Variants in TMEM91 observed in about 807,000 individuals in gnomAD.
TMEM91 encodes dispanin subfamily C member 3.
In TMEM91, 6 loss-of-function variants were observed where a neutral mutation model predicts 13.3. The observed-to-expected ratio is 0.45, with a 90% CI of 0.25 to 0.89. The LOEUF (loss-of-function observed/expected upper bound fraction) is 0.89. Among genes scored for constraint, TMEM91 ranks in the 40% least tolerant of loss-of-function variants. The pLI, the probability that TMEM91 is intolerant of heterozygous loss-of-function variation, is 0.19. For synonymous variants in TMEM91, 87 were observed against 101.7 expected (o/e 0.86, Z 0.87); for missense variants, 193 against 228.7 (o/e 0.84, Z 1.01).
At chr19:41,364,640 G>A (rs531695412) in intron 1 of TMEM91, among the ~76,000 whole-genome samples, 34 of 152,140 alleles carry the variant, frequency 2.2e-4, no homozygotes, top group African/African-American at 8.2e-4. Context: ...CAAGGACAAG[G>A]AAGGAAGGAA....
At chr19:41,368,827 A>G (rs2038569487) in intron 1 of TMEM91, among the ~76,000 whole-genome samples, 1 of 148,700 alleles carries the variant, frequency 6.7e-6, no homozygotes, top group Non-Finnish European at 1.5e-5. Context: ...AACCAATAGA[A>G]TATGGGGCTG....
At chr19:41,383,329 C>T (rs1050462089) in intron 3 of TMEM91, 68 of 445,154 alleles carry the variant, frequency 1.5e-4, no homozygotes, top group Admixed American at 1.2e-4. Flanking sequence ...GCTGGGATTA[C>T]AGGCGTGAGC....
At chr19:41,379,995 A>C (rs1045207100) in intron 2 of TMEM91, among the ~76,000 whole-genome samples, 2 of 149,982 alleles carry the variant, frequency 1.3e-5, no homozygotes, top group African/African-American at 4.9e-5. Flanking sequence ...CCTGGGTTCA[A>C]GCAAATTCCC....
upstream of TMEM91, among the ~76,000 whole-genome samples, chr19:41,372,162 CAG>C (rs1393169704): frequency 1.3e-5 from 2 of 152,056 alleles, no homozygotes; most frequent in South Asian, 4.2e-4. Context: ...GCCTGGGCAA[CAG>C]GGTGAAAACC....
rs2038784055 is a variant in TMEM91, at chr19:41,378,485, C to A, written c.176C>A (p.Ala59Asp). 6.2e-7 allele frequency: 1 copy of A among 1,614,128 alleles called. No homozygotes were observed. Among genetic ancestry groups the A allele is most frequent in the African/African-American group, 1.3e-5 (1 of 75,050 alleles). The change falls in exon 2 of 4, where the codon GCT (alanine) becomes GAT (aspartate). Residue 59 changes from alanine (A) to aspartate (D), a missense_variant. Transcript: ENST00000392002. ...TCACCGCCTCTTCCCTCCGTGAGCG[C>A]TGGCCTGGGGGAACCAAGGCCCCCT... ...FLSPPLPSVSAGLGEPRPPDV... is the reference protein window; with the variant it reads ...FLSPPLPSVSDGLGEPRPPDV...
upstream of TMEM91, among the ~76,000 whole-genome samples, chr19:41,371,651 C>T (rs369134489): frequency 4.6e-5 from 7 of 152,138 alleles, no homozygotes; most frequent in African/African-American, 1.2e-4. Flanking sequence ...ATCTCTTGAC[C>T]TCGTGATCGG....
At position 41,383,617 on chromosome 19, in the gene TMEM91, A is replaced by G. The variant is rs752586232; in HGVS notation, c.361-98A>G. ...ACGTATCTGCTTTTGGAATACATGC[A>G]TGAATGAATGAATGGGTATGTTGGG... On this transcript the variant is annotated intron_variant, in intron 3 of 3. Transcript: ENST00000392002. 5.6e-6 allele frequency: 9 copies of G among 1,613,470 alleles called. No homozygotes were observed. The Admixed American group carries it at 1.5e-4, about 27-fold the overall frequency.
At chr19:41,367,375 G>A (rs1450160612) in intron 1 of TMEM91, among the ~76,000 whole-genome samples, 1 of 152,024 alleles carries the variant, frequency 6.6e-6, no homozygotes, top group Non-Finnish European at 1.5e-5. Context: ...GCTCACGCCT[G>A]TAATCCCAGC....
chr19:41,381,362 T>TAAA, intron 2 of TMEM91, among the ~76,000 whole-genome samples: 2 of 146,972 alleles, frequency 1.4e-5, no homozygotes, highest in Middle Eastern at 3.5e-3. Context: ...TAGCTAATTT[T>TAAA]TTTTTTTTTT....
chr19:41,370,615 C>CT (rs2038600350), intron 1 of TMEM91, among the ~76,000 whole-genome samples: 1 of 151,946 alleles, frequency 6.6e-6, no homozygotes, highest in Non-Finnish European at 1.5e-5. Context: ...CCATATTGGC[C>CT]ACGCTGGTCT....
chr19:41,376,624 C>G lies in TMEM91; in HGVS notation c.-260C>G, dbSNP rs1160018707. 6.6e-6 allele frequency: 1 copy of G among 152,210 alleles called. No individual in the cohort carries two copies. Among genetic ancestry groups the G allele is most frequent in the East Asian group, 1.9e-4 (1 of 5,186 alleles). The allele number at this position is 152,210 out of a possible 1,614,324, so 9.4% of individuals were successfully genotyped here. On this transcript the variant is annotated 5_prime_UTR_variant, in exon 1 of 4. Coordinates refer to ENST00000392002, the MANE Select transcript of TMEM91 (RefSeq NM_001098821.2). The stretch of plus-strand genomic sequence containing the variant: ...CCCCCGGGAGTCGTAGGAACCCGTT[C>G]CTGGACGCTGACGTCGGCTTTCAGG...
upstream of TMEM91, chr19:41,374,565 C>CT (rs755159542): frequency 6.6e-5 from 10 of 152,198 alleles, no homozygotes; most frequent in Non-Finnish European, 1.2e-4. Context: ...TGCAGCAACT[C>CT]TAAGTACTCT....
Position 41,383,883 on chromosome 19 carries a change from C to A in TMEM91, c.*10C>A. On this transcript the variant is annotated 3_prime_UTR_variant, in exon 4 of 4. Transcript: ENST00000392002. ...CCGAGACCCGCCCTAGTTGCCCCTA[C>A]AGCCCTCACTGTGAACCCTGAGGCC... The A allele has an allele frequency of 6.2e-7, 1 of 1,603,820 alleles. No homozygotes were observed. Among genetic ancestry groups the A allele is most frequent in the East Asian group, 2.3e-5 (1 of 43,800 alleles).
intron 2 of TMEM91, among the ~76,000 whole-genome samples, chr19:41,379,547 G>A (rs1167224006): frequency 4.0e-5 from 6 of 148,552 alleles, no homozygotes; most frequent in Admixed American, 6.8e-5. Context: ...AGAGGGAGAG[G>A]GGGGAGAGAG....
At chr19:41,379,137 CTTTTTTTTTTTTT>C in intron 2 of TMEM91, among the ~76,000 whole-genome samples, 1 of 109,070 alleles carries the variant, frequency 9.2e-6, no homozygotes, top group Admixed American at 9.3e-5. Context: ...CCCAGCCTTC[CTTTTTTTTTTTTT>C]TTTTTTTTTT....
chr19:41,375,817 A>G (rs1223984951), upstream of TMEM91, among the ~76,000 whole-genome samples: 2 of 150,190 alleles, frequency 1.3e-5, no homozygotes, highest in African/African-American at 5.0e-5. Flanking sequence ...CGTCTTTTAA[A>G]AAATAATAAT....
chr19:41,373,609 T>C (rs139592340), upstream of TMEM91, among the ~76,000 whole-genome samples: 1 of 570 alleles, frequency 1.8e-3, no homozygotes, highest in Non-Finnish European at 4.1e-3. Context: ...TAAGGCCGGG[T>C]GCAGTGGCTC....
upstream of TMEM91, among the ~76,000 whole-genome samples, chr19:41,375,640 T>G (rs11670739): frequency 1.6e-4 from 24 of 150,182 alleles, no homozygotes; most frequent in Non-Finnish European, 3.3e-4. Context: ...CCTTCAGCAC[T>G]CCTCCGCAAA....
At chr19:41,373,703 G>C (rs957477904), upstream of TMEM91, among the ~76,000 whole-genome samples, 4 of 87,714 alleles carry the variant, frequency 4.6e-5, no homozygotes, top group African/African-American at 1.7e-4. Context: ...GGGCAACATG[G>C]TGAAACTCCG....
Sources: allele counts gnomAD v4.1 joint callset (sites outside exome capture counted in the v4.1 genomes callset), GRCh38; gene constraint gnomAD v4.1.1; transcripts MANE v1.5; gene names NCBI Gene and HGNC (gene_info 2026-07-23, HGNC 2026-07-21).